EPHA6: variants seen among roughly 807,000 people sequenced by gnomAD.
EPHA6 encodes ephrin type-A receptor 6.
A neutral mutation model predicts 112.0 loss-of-function variants in EPHA6; 50 were observed. That is an observed-to-expected ratio of 0.45 (90% CI 0.36 to 0.56). The LOEUF is 0.56. EPHA6 is among the 20% of genes least tolerant of loss of function. The pLI, the probability that EPHA6 is intolerant of heterozygous loss-of-function variation, is 0.00. For synonymous variants in EPHA6, 529 were observed against 490.7 expected, an observed-to-expected ratio of 1.08 and a Z score of -1.03; for missense variants, 1,280 against 1,417.4, an observed-to-expected ratio of 0.90 and a Z score of 1.56.
At position 97,519,602 on chromosome 3, in the gene EPHA6, A is replaced by G. The variant is rs567415069; in HGVS notation, c.2201-12756A>G. On this transcript the variant is annotated intron_variant, in intron 10 of 17. Coordinates refer to ENST00000389672, the MANE Select transcript of EPHA6 (RefSeq NM_001080448.3). ...CATTTTAACAATATTAGTCATTACAATCCATGAGCATGGGATGTCTTTTCA... is the reference window on the plus strand; with the variant it reads ...CATTTTAACAATATTAGTCATTACAGTCCATGAGCATGGGATGTCTTTTCA... 5.3e-5 allele frequency among the ~76,000 whole-genome samples: 8 copies of G among 152,292 alleles called. No homozygotes were observed. The South Asian group carries it at 1.5e-3, about 28-fold the overall frequency.
In EPHA6 at chr3:97,627,938, G is replaced by T. The variant is rs139800923; in HGVS notation, c.2575-9935G>T. ...AAGTTCCCCCAGTTGAGTCCAATAT[G>T]CAGCCAAGTTGGAAAACTACTGAAA... On this transcript the variant is annotated intron_variant, in intron 13 of 17. Transcript: ENST00000389672. 1.9e-4 allele frequency among the ~76,000 whole-genome samples: 29 copies of T among 152,058 alleles called. No individual in the cohort carries two copies. The East Asian group carries it at 4.5e-3, about 23-fold the overall frequency.
At chr3:97,321,118 T>A (rs2082099942) in intron 5 of EPHA6, among the ~76,000 whole-genome samples, 1 of 152,014 alleles carries the variant, frequency 6.6e-6, no homozygotes, top group African/African-American at 2.4e-5. Context: ...TTTTATTGTT[T>A]GGGGAGAGCA....
chr3:97,447,671 T>G, intron 6 of EPHA6: 22 of 624,666 alleles, frequency 3.5e-5, no homozygotes, highest in East Asian at 8.6e-5. Flanking sequence ...TGTCCTGTTC[T>G]GAGATAGTGG....
chr3:97,169,594 T>C (rs1356237946), intron 3 of EPHA6, among the ~76,000 whole-genome samples: 1 of 152,152 alleles, frequency 6.6e-6, no homozygotes, highest in Non-Finnish European at 1.5e-5. Context: ...TTCTGATATG[T>C]CTTCCCATTT....
chr3:96,842,600 T>C (rs1288210643), intron 1 of EPHA6, among the ~76,000 whole-genome samples: 1 of 152,112 alleles, frequency 6.6e-6, no homozygotes, highest in Non-Finnish European at 1.5e-5. Context: ...TTCAGCTTTA[T>C]GCTGACATTC....
At chr3:97,278,712 A>G (rs534568691) in intron 5 of EPHA6, among the ~76,000 whole-genome samples, 1 of 152,298 alleles carries the variant, frequency 6.6e-6, no homozygotes, top group South Asian at 2.1e-4. Context: ...ACTCAAATAC[A>G]GGAATAACAG....
At chr3:97,339,035 T>A (rs2083186395) in intron 5 of EPHA6, among the ~76,000 whole-genome samples, 1 of 152,212 alleles carries the variant, frequency 6.6e-6, no homozygotes, top group Non-Finnish European at 1.5e-5. Context: ...AAGTCATCTC[T>A]GCTTAATGCT....
At chr3:97,204,002 A>G (rs1332225848) in intron 3 of EPHA6, among the ~76,000 whole-genome samples, 2 of 152,164 alleles carry the variant, frequency 1.3e-5, no homozygotes, top group African/African-American at 4.8e-5. Context: ...ATGAAAAAAA[A>G]AGAAAAATAA....
At chr3:97,597,251 A>G (rs2093602551) in intron 12 of EPHA6, among the ~76,000 whole-genome samples, 2 of 152,020 alleles carry the variant, frequency 1.3e-5, no homozygotes, top group Non-Finnish European at 2.9e-5. Context: ...GTACAATGCT[A>G]TATGTATAAT....
intron 10 of EPHA6, among the ~76,000 whole-genome samples, chr3:97,489,037 A>G (rs7633714): frequency 0.14 from 21,420 of 152,248 alleles, 4,721 homozygotes; most frequent in African/African-American, 0.47. Context: ...GTAAACTTTA[A>G]CAATTTAGTT....
At chr3:97,100,935 ACAG>A in intron 3 of EPHA6, among the ~76,000 whole-genome samples, 1 of 152,126 alleles carries the variant, frequency 6.6e-6, no homozygotes, top group African/African-American at 2.4e-5. Flanking sequence ...AATGATTAAA[ACAG>A]CATCTCTATT....
At chr3:97,687,542 A>G (rs1271165380) in intron 14 of EPHA6, among the ~76,000 whole-genome samples, 1 of 152,244 alleles carries the variant, frequency 6.6e-6, no homozygotes, top group Non-Finnish European at 1.5e-5. Context: ...AGTTATGACA[A>G]AAGATCAAGG....
chr3:97,393,354 C>T (rs147036297), intron 5 of EPHA6, among the ~76,000 whole-genome samples: 2 of 151,864 alleles, frequency 1.3e-5, no homozygotes, highest in African/African-American at 4.8e-5. Context: ...AAATAATAGT[C>T]AGTAGATGTG....
chr3:97,634,995 A>G (rs1158797970), intron 13 of EPHA6, among the ~76,000 whole-genome samples: 2 of 151,592 alleles, frequency 1.3e-5, no homozygotes, highest in Non-Finnish European at 2.9e-5. Flanking sequence ...ATATGAGAAT[A>G]CTAGTATAGC....
At chr3:97,275,887 A>G (rs2080060682) in intron 5 of EPHA6, among the ~76,000 whole-genome samples, 1 of 152,012 alleles carries the variant, frequency 6.6e-6, no homozygotes. Flanking sequence ...GAAAGGTGGC[A>G]ATGAGGTGTG....
chr3:97,010,686 T>C lies in EPHA6; in HGVS notation c.1114+22693T>C, dbSNP rs186856791. Among the ~76,000 whole-genome samples the C allele has an allele frequency of 5.9e-5, 9 of 152,212 alleles. No homozygotes were observed. The East Asian group carries it at 1.5e-3, about 26-fold the overall frequency. On this transcript the variant is annotated intron_variant, in intron 3 of 17. Coordinates refer to ENST00000389672, the MANE Select transcript of EPHA6 (RefSeq NM_001080448.3). ...TATTTATTTATTTATTTTGAGGCAGTGTCTCACTCTGTTGCCCAGGCTGGA... is the reference window on the plus strand; with the variant it reads ...TATTTATTTATTTATTTTGAGGCAGCGTCTCACTCTGTTGCCCAGGCTGGA...
rs1444332169 is a variant in EPHA6, at chr3:97,006,722, AGCTTTCTGATGT to A, written c.1114+18731_1114+18742del. ...TAGGGTGTTGATTCAAGATCTTTCT[AGCTTTCTGATGT>A]GGGCATTTAGTGCTATAAATTTCCC... On this transcript the variant is annotated intron_variant, in intron 3 of 17. Coordinates refer to ENST00000389672, the MANE Select transcript of EPHA6 (RefSeq NM_001080448.3). Among the ~76,000 whole-genome samples, 182 of 152,008 alleles carry A rather than the reference AGCTTTCTGATGT, an allele frequency of 1.2e-3. 2 individuals carry two copies. Among genetic ancestry groups the A allele is most frequent in the Non-Finnish European group, 3.1e-4 (21 of 67,906 alleles).
chr3:96,924,878 A>T (rs1412455295), intron 2 of EPHA6, among the ~76,000 whole-genome samples: 1 of 152,172 alleles, frequency 6.6e-6, no homozygotes, highest in African/African-American at 2.4e-5. Flanking sequence ...CCTTTTCTGC[A>T]TCTATTGAGA....
chr3:96,895,258 A>G (rs1019151880), intron 2 of EPHA6, among the ~76,000 whole-genome samples: 100 of 151,872 alleles, frequency 6.6e-4, no homozygotes, highest in African/African-American at 2.2e-3. Flanking sequence ...TTTTTTTCTT[A>G]GTTTTTCACA....
Sources: allele counts gnomAD v4.1 joint callset (sites outside exome capture counted in the v4.1 genomes callset), GRCh38; gene constraint gnomAD v4.1.1; transcripts MANE v1.5; gene names NCBI Gene and HGNC (gene_info 2026-07-23, HGNC 2026-07-21).